ZUP1: variants seen among roughly 807,000 people sequenced by gnomAD.
ZUP1 encodes the protein zinc finger containing ubiquitin peptidase 1.
Under a neutral mutation model 68.1 loss-of-function variants are expected in ZUP1, and 55 were observed. That is an observed-to-expected ratio of 0.81 (90% CI 0.65 to 1.01). The LOEUF is 1.01. Among genes scored for constraint, ZUP1 ranks in the 50% least tolerant of loss-of-function variants. ZUP1 has a pLI of 0.00. For synonymous variants in ZUP1, 223 were observed against 221.5 expected, an observed-to-expected ratio of 1.01 and a Z score of -0.06; for missense variants, 684 against 674.9, an observed-to-expected ratio of 1.01 and a Z score of -0.15.
At chr6:116,661,312 G>A (rs1037871146) in intron 2 of ZUP1, among the ~76,000 whole-genome samples, 1 of 151,828 alleles carries the variant, frequency 6.6e-6, no homozygotes, top group Non-Finnish European at 1.5e-5. Context: ...GGTCGAGATA[G>A]AAGGCTGAGC....
chr6:116,659,276 C>T (rs755752770), intron 3 of ZUP1, among the ~76,000 whole-genome samples: 2 of 152,184 alleles, frequency 1.3e-5, no homozygotes, highest in South Asian at 4.2e-4. Flanking sequence ...ATTACAGGTG[C>T]CTGCCACCAT....
intron 9 of ZUP1, among the ~76,000 whole-genome samples, chr6:116,639,436 C>T (rs1001434421): frequency 1.3e-5 from 2 of 152,248 alleles, no homozygotes; most frequent in Non-Finnish European, 2.9e-5. Flanking sequence ...GGGGAGGCAT[C>T]CCCCAGTAGG....
Position 116,667,006 on chromosome 6 carries a change from C to T in ZUP1, c.187G>A (p.Glu63Lys), listed in dbSNP as rs201527475. The change falls in exon 2 of 10, where the codon GAG (glutamate) becomes AAG (lysine). Residue 63 changes from glutamate to lysine, a missense_variant. Transcript: ENST00000368576. Reference sequence around the variant, plus strand: ...CCATATTGTACTGTATTTATCCTCTCAAAGTTTCTTTCAAGTGTATTCTGC... The same window carrying T: ...CCATATTGTACTGTATTTATCCTCTTAAAGTTTCTTTCAAGTGTATTCTGC... ...FEQNTLERNF[E>K]RINTVQYGTS... The T allele has an allele frequency of 1.2e-6, 2 of 1,613,508 alleles. No individual in the cohort carries two copies. The highest frequency in any genetic ancestry group is 2.2e-5 in the East Asian group (1 of 44,812).
intron 2 of ZUP1, among the ~76,000 whole-genome samples, chr6:116,661,058 T>C (rs1030291494): frequency 2.0e-5 from 3 of 151,924 alleles, no homozygotes; most frequent in Admixed American, 6.6e-5. Flanking sequence ...TTTTTTTTTT[T>C]AGAGATGAGA....
intron 9 of ZUP1, among the ~76,000 whole-genome samples, chr6:116,645,006 G>A (rs989195468): frequency 6.6e-6 from 1 of 151,970 alleles, no homozygotes; most frequent in Non-Finnish European, 1.5e-5. Context: ...TAAATTGTAA[G>A]GTTGATGAAA....
chr6:116,642,117 T>C (rs535564065), intron 9 of ZUP1, among the ~76,000 whole-genome samples: 3,470 of 151,596 alleles, frequency 0.023, 70 homozygotes, highest in Middle Eastern at 0.096. Flanking sequence ...AAACATACAT[T>C]CTCCCAAGAC....
intron 9 of ZUP1, among the ~76,000 whole-genome samples, chr6:116,639,661 G>A (rs1195916090): frequency 6.6e-6 from 1 of 152,146 alleles, no homozygotes; most frequent in Non-Finnish European, 1.5e-5. Flanking sequence ...CAAACAGAAA[G>A]GACATCCACA....
At chr6:116,652,315 CCTT>C (rs1776532819) in intron 5 of ZUP1, 123 bp from the exon 6 acceptor site, 2 of 743,390 alleles carry the variant, frequency 2.7e-6, no homozygotes, top group African/African-American at 1.8e-5. Context: ...ATCTTCTTCA[CCTT>C]CTTCTTGCTA....
chr6:116,648,411 C>A (rs1776380255), intron 7 of ZUP1, among the ~76,000 whole-genome samples: 1 of 152,190 alleles, frequency 6.6e-6, no homozygotes, highest in Non-Finnish European at 1.5e-5. Context: ...TCAGCCTCAG[C>A]AAATTTAATG....
At chr6:116,654,058 G>A (rs575012751) in intron 5 of ZUP1, among the ~76,000 whole-genome samples, 8 of 151,814 alleles carry the variant, frequency 5.3e-5, no homozygotes, top group Non-Finnish European at 8.8e-5. Flanking sequence ...CATAATTAAC[G>A]AAAAATAAAA....
chr6:116,652,598 G>A (rs1776545598), intron 5 of ZUP1, among the ~76,000 whole-genome samples: 1 of 151,912 alleles, frequency 6.6e-6, no homozygotes, highest in Non-Finnish European at 1.5e-5. Flanking sequence ...ATTTTATTTT[G>A]CAGATTTTGC....
At chr6:116,664,283 T>C (rs1463788993) in intron 2 of ZUP1, among the ~76,000 whole-genome samples, 1 of 151,940 alleles carries the variant, frequency 6.6e-6, no homozygotes, top group Admixed American at 6.6e-5. Context: ...GTACAAAAAT[T>C]AACTGGGCCT....
intron 9 of ZUP1, among the ~76,000 whole-genome samples, chr6:116,638,786 C>T (rs1378971484): frequency 6.6e-6 from 1 of 152,228 alleles, no homozygotes; most frequent in East Asian, 1.9e-4. Flanking sequence ...TTCTGCATTT[C>T]CATCTGAGGT....
intron 7 of ZUP1, 137 bp downstream of exon 7, chr6:116,651,430 ATAGGC>A (rs1776487539): frequency 1.6e-6 from 1 of 632,534 alleles, no homozygotes; most frequent in African/African-American, 1.9e-5. Context: ...AAGATAGTGA[ATAGGC>A]TGCTGATTTT....
Position 116,653,674 on chromosome 6 carries a change from T to C in ZUP1, c.962-1482A>G, listed in dbSNP as rs760492703. On this transcript the variant is annotated intron_variant, in intron 5 of 9. Coordinates refer to ENST00000368576, the MANE Select transcript of ZUP1 (RefSeq NM_145062.3). ...ATGGAATGAATGGGTACCCTAGGAA[T>C]TCAGAGAAAGAAAGCTAAATGTAGA... Among the ~76,000 whole-genome samples, 52 of 152,096 alleles carry C rather than the reference T, an allele frequency of 3.4e-4. 2 individuals carry two copies. The highest frequency in any genetic ancestry group is 2.4e-4 in the Non-Finnish European group (16 of 67,866).
chr6:116,666,715 C>G lies in ZUP1; in HGVS notation c.478G>C (p.Gly160Arg). Residue 160 changes from glycine to arginine, a missense_variant, in exon 2 of 10, where the codon GGA (glycine) becomes CGA (arginine). Transcript: ENST00000368576. ...TYSPPECPFC[G>R]KIEEHSEDME... Reference sequence around the variant, plus strand: ...TCTTCACTGTGCTCCTCTATTTTTCCACAGAATGGACATTCAGGAGGACTG... The same window carrying G: ...TCTTCACTGTGCTCCTCTATTTTTCGACAGAATGGACATTCAGGAGGACTG... The G allele has an allele frequency of 6.2e-7, 1 of 1,613,058 alleles. No individual in the cohort carries two copies. Among genetic ancestry groups the G allele is most frequent in the Non-Finnish European group, 8.5e-7 (1 of 1,179,664 alleles).
chr6:116,644,525 T>C (rs1409748301), intron 9 of ZUP1, among the ~76,000 whole-genome samples: 1 of 152,096 alleles, frequency 6.6e-6, no homozygotes, highest in East Asian at 1.9e-4. Flanking sequence ...AATGATGAGT[T>C]CATGTCCTTT....
At chr6:116,662,109 A>G (rs1208941900) in intron 2 of ZUP1, among the ~76,000 whole-genome samples, 1 of 152,248 alleles carries the variant, frequency 6.6e-6, no homozygotes, top group African/African-American at 2.4e-5. Context: ...AGCTCAAGAG[A>G]AAATGAAGTA....
chr6:116,644,532 C>T (rs1171342546), intron 9 of ZUP1, among the ~76,000 whole-genome samples: 1 of 152,074 alleles, frequency 6.6e-6, no homozygotes, highest in Non-Finnish European at 1.5e-5. Context: ...AGTTCATGTC[C>T]TTTGTAGGGA....
Sources: allele counts gnomAD v4.1 joint callset (sites outside exome capture counted in the v4.1 genomes callset), GRCh38; gene constraint gnomAD v4.1.1; transcripts MANE v1.5; gene names NCBI Gene and HGNC (gene_info 2026-07-23, HGNC 2026-07-21).